TRDN: variants seen among roughly 807,000 people sequenced by gnomAD.
TRDN encodes the protein triadin, also known as triadin in skeletal muscle.
In TRDN, 161 loss-of-function variants were observed where a neutral mutation model predicts 149.7. That is an observed-to-expected ratio of 1.08 (90% CI 0.95 to 1.23). The LOEUF is 1.23. Ranked by LOEUF, TRDN falls within the 50% of genes most tolerant of loss-of-function variation. The pLI is 0.00. For missense variants in TRDN, 896 were observed against 823.5 expected, an observed-to-expected ratio of 1.09 and a Z score of -1.08; for synonymous variants, 294 against 250.5, an observed-to-expected ratio of 1.17 and a Z score of -1.64.
chr6:123,421,151 G>C (rs1373825077), intron 12 of TRDN, among the ~76,000 whole-genome samples: 1 of 152,134 alleles, frequency 6.6e-6, no homozygotes, highest in Admixed American at 6.6e-5. Flanking sequence ...TAGAAGCTCA[G>C]TTGCTATATA....
intron 9 of TRDN, among the ~76,000 whole-genome samples, chr6:123,487,246 A>G (rs1190699451): frequency 1.3e-5 from 2 of 152,038 alleles, no homozygotes. Flanking sequence ...TCCTTACTGC[A>G]TTATATTTTT....
chr6:123,634,254 G>A (rs1786171548), intron 1 of TRDN, among the ~76,000 whole-genome samples: 1 of 151,590 alleles, frequency 6.6e-6, no homozygotes, highest in African/African-American at 2.4e-5. Flanking sequence ...TCAACATAAG[G>A]AGGTCGTGTC....
At chr6:123,271,062 TG>T in intron 30 of TRDN, 76 bp downstream of exon 30, 1 of 784,014 alleles carries the variant, frequency 1.3e-6, no homozygotes, top group Non-Finnish European at 2.0e-6. Flanking sequence ...TGTGTGTGTG[TG>T]TCTGCATGCA....
chr6:123,351,644 G>T (rs934317368), intron 21 of TRDN: 2 of 952,490 alleles, frequency 2.1e-6, no homozygotes, highest in African/African-American at 1.8e-5. Context: ...ACATGTGAGG[G>T]ATTGAAGGAT....
At chr6:123,397,364 T>G (rs539917965) in intron 12 of TRDN, among the ~76,000 whole-genome samples, 46 of 152,230 alleles carry the variant, frequency 3.0e-4, no homozygotes, top group African/African-American at 1.1e-3. Context: ...CAGTACAGAT[T>G]TCCATTTCAA....
At chr6:123,339,986 A>G (rs537765414) in intron 21 of TRDN, among the ~76,000 whole-genome samples, 1 of 152,188 alleles carries the variant, frequency 6.6e-6, no homozygotes, top group Non-Finnish European at 1.5e-5. Flanking sequence ...AAAACTATTC[A>G]TTTTGAAAAT....
At chr6:123,499,612 G>A (rs1778592843) in intron 8 of TRDN, among the ~76,000 whole-genome samples, 1 of 146,252 alleles carries the variant, frequency 6.8e-6, no homozygotes, top group Non-Finnish European at 1.5e-5. Flanking sequence ...GCTGAGGCAG[G>A]AGAACTGCTT....
At chr6:123,325,068 C>G (rs931116700) in intron 23 of TRDN, among the ~76,000 whole-genome samples, 1 of 151,576 alleles carries the variant, frequency 6.6e-6, no homozygotes, top group Non-Finnish European at 1.5e-5. Flanking sequence ...TCCTTCATGC[C>G]TAGCAAACAC....
At chr6:123,514,366 AC>A (rs1779325734) in intron 6 of TRDN, among the ~76,000 whole-genome samples, 1 of 152,066 alleles carries the variant, frequency 6.6e-6, no homozygotes, top group Non-Finnish European at 1.5e-5. Context: ...AAACAAAAAA[AC>A]AATCTTTTTT....
chr6:123,567,467 A>T (rs1782350412), intron 2 of TRDN, among the ~76,000 whole-genome samples: 1 of 152,134 alleles, frequency 6.6e-6, no homozygotes, highest in South Asian at 2.1e-4. Flanking sequence ...TAAAGAAAAG[A>T]AGTTCATTTG....
chr6:123,504,717 G>A (rs1283357238), intron 7 of TRDN, among the ~76,000 whole-genome samples: 1 of 152,042 alleles, frequency 6.6e-6, no homozygotes, highest in Non-Finnish European at 1.5e-5. Flanking sequence ...TTGGAAGAGG[G>A]AACTGTGATG....
At chr6:123,603,346 A>G (rs983964769) in intron 1 of TRDN, among the ~76,000 whole-genome samples, 2 of 152,086 alleles carry the variant, frequency 1.3e-5, no homozygotes, top group African/African-American at 4.8e-5. Flanking sequence ...AATTATGTTC[A>G]GAGTTATCTC....
intron 19 of TRDN, among the ~76,000 whole-genome samples, chr6:123,372,742 T>A (rs1043627790): frequency 2.0e-5 from 3 of 152,166 alleles, no homozygotes; most frequent in African/African-American, 7.2e-5. Flanking sequence ...TATACAGTGT[T>A]AAAGCCATGA....
intron 2 of TRDN, among the ~76,000 whole-genome samples, chr6:123,558,546 C>A (rs1039599644): frequency 1.3e-5 from 2 of 152,098 alleles, no homozygotes; most frequent in Non-Finnish European, 2.9e-5. Context: ...ATATGAAAAA[C>A]CCAGCCCAGT....
intron 10 of TRDN, among the ~76,000 whole-genome samples, chr6:123,449,171 C>A (rs1775610112): frequency 1.3e-5 from 2 of 152,114 alleles, no homozygotes; most frequent in South Asian, 4.2e-4. Flanking sequence ...CTTCTCAGCA[C>A]ACCCCAAAAA....
chr6:123,446,185 A>T (rs375499546), intron 10 of TRDN, among the ~76,000 whole-genome samples: 1 of 148,120 alleles, frequency 6.8e-6, no homozygotes, highest in Non-Finnish European at 1.5e-5. Flanking sequence ...GAATTGAACA[A>T]TGAGATCACA....
At chr6:123,467,772 T>C (rs1776920172) in intron 9 of TRDN, among the ~76,000 whole-genome samples, 1 of 152,086 alleles carries the variant, frequency 6.6e-6, no homozygotes, top group Admixed American at 6.6e-5. Context: ...AATGAATACA[T>C]TATATAACAT....
intron 1 of TRDN, among the ~76,000 whole-genome samples, chr6:123,627,074 G>A (rs1273652845): frequency 6.6e-6 from 1 of 151,800 alleles, no homozygotes; most frequent in Non-Finnish European, 1.5e-5. Flanking sequence ...GATTACAGGT[G>A]CCTGCCACCA....
chr6:123,424,347 A>G (rs1774029222), intron 12 of TRDN, among the ~76,000 whole-genome samples: 1 of 152,112 alleles, frequency 6.6e-6, no homozygotes, highest in Non-Finnish European at 1.5e-5. Flanking sequence ...ATGCCTTCTC[A>G]TCAAGGCTAA....
Sources: allele counts gnomAD v4.1 joint callset (sites outside exome capture counted in the v4.1 genomes callset), GRCh38; gene constraint gnomAD v4.1.1; transcripts MANE v1.5; gene names NCBI Gene and HGNC (gene_info 2026-07-23, HGNC 2026-07-21).